The following THSD4 variants were observed in gnomAD, a reference collection of about 807,000 sequenced individuals.
THSD4 encodes the protein thrombospondin type-1 domain-containing protein 4.
A neutral mutation model predicts 119.0 loss-of-function variants in THSD4; 69 were observed. That is an observed-to-expected ratio of 0.58 (90% CI 0.48 to 0.71). The LOEUF (loss-of-function observed/expected upper bound fraction) is 0.71, where lower values mean the gene tolerates loss of function less well. Ranked by LOEUF, THSD4 falls within the 30% of genes least tolerant of loss-of-function variation. The pLI is 0.00. For missense variants in THSD4, 1,393 were observed against 1,391.1 expected (o/e 1.00, Z -0.02); for synonymous variants, 524 against 540.4 (o/e 0.97, Z 0.42).
chr15:71,233,176 G>A (rs960153033), intron 4 of THSD4, among the ~76,000 whole-genome samples: 1 of 152,160 alleles, frequency 6.6e-6, no homozygotes, highest in African/African-American at 2.4e-5. Context: ...TTTTGTCCTT[G>A]AGCTATTTCT....
At chr15:71,447,878 C>T (rs113055886) in intron 7 of THSD4, among the ~76,000 whole-genome samples, 1 of 152,174 alleles carries the variant, frequency 6.6e-6, no homozygotes, top group Admixed American at 6.5e-5. Flanking sequence ...TGCATGTTCT[C>T]ATGAACACAT....
chr15:71,233,403 C>T (rs900965016), intron 4 of THSD4, among the ~76,000 whole-genome samples: 11 of 152,092 alleles, frequency 7.2e-5, no homozygotes, highest in African/African-American at 2.4e-4. Flanking sequence ...CCCAGAGTTT[C>T]CTTTTGGTCA....
At chr15:71,711,005 G>T (rs1053762126) in intron 8 of THSD4, among the ~76,000 whole-genome samples, 10 of 151,338 alleles carry the variant, frequency 6.6e-5, no homozygotes, top group African/African-American at 2.4e-4. Flanking sequence ...TTATTGTGAG[G>T]TTAAAAGAAA....
chr15:71,579,619 A>G (rs2140912412), intron 7 of THSD4, among the ~76,000 whole-genome samples: 1 of 152,118 alleles, frequency 6.6e-6, no homozygotes, highest in Non-Finnish European at 1.5e-5. Context: ...ATTCTACTCC[A>G]CTCTGTAGTA....
In THSD4 at chr15:71,724,287, A is replaced by ATATT; in HGVS notation, c.1358-4261_1358-4260insATTT. Among the ~76,000 whole-genome samples the ATATT allele has an allele frequency of 8.0e-4, 30 of 37,282 alleles. 4 individuals carry two copies. Among genetic ancestry groups the ATATT allele is most frequent in the Admixed American group, 1.2e-3 (3 of 2,428 alleles). 24.5% of individuals were successfully genotyped at this position (37,282 alleles called of 152,430 possible). ...ATGGGATATATATATATATATATAT[A>ATATT]TTTTTTTTTTCCCCCCAAGATGGAA... On this transcript the variant is annotated intron_variant, in intron 8 of 17. Transcript: ENST00000261862.
chr15:71,368,714 A>G (rs1370430437), intron 6 of THSD4, among the ~76,000 whole-genome samples: 2 of 152,152 alleles, frequency 1.3e-5, no homozygotes, highest in Non-Finnish European at 2.9e-5. Flanking sequence ...GAAGTCAGGT[A>G]GTGTGATGCC....
chr15:71,255,493 C>T (rs2140287181), intron 5 of THSD4, among the ~76,000 whole-genome samples: 1 of 152,320 alleles, frequency 6.6e-6, no homozygotes, highest in South Asian at 2.1e-4. Context: ...TGATAAAATA[C>T]AGATCTCTGG....
intron 1 of THSD4, among the ~76,000 whole-genome samples, chr15:71,129,399 A>G (rs760440436): frequency 1.4e-4 from 22 of 152,228 alleles, no homozygotes; most frequent in Non-Finnish European, 2.8e-4. Flanking sequence ...GGGAGAGCCA[A>G]CAAGGAAGAC....
chr15:71,534,308 C>T (rs2048658786), intron 7 of THSD4, among the ~76,000 whole-genome samples: 1 of 152,234 alleles, frequency 6.6e-6, no homozygotes, highest in African/African-American at 2.4e-5. Context: ...TGTCAGACTA[C>T]CTGTTTCCCT....
intron 5 of THSD4, among the ~76,000 whole-genome samples, chr15:71,253,602 T>C (rs1205118004): frequency 1.3e-5 from 2 of 152,042 alleles, no homozygotes; most frequent in Admixed American, 1.3e-4. Context: ...AGAGACAGGG[T>C]TACACTATAT....
chr15:71,348,733 C>T (rs1441373060), intron 6 of THSD4, among the ~76,000 whole-genome samples: 1 of 152,220 alleles, frequency 6.6e-6, no homozygotes, highest in Non-Finnish European at 1.5e-5. Context: ...CGACTGTTAG[C>T]AAAAACCAAA....
chr15:71,191,217 C>A (rs932098749), intron 3 of THSD4, among the ~76,000 whole-genome samples: 3 of 152,132 alleles, frequency 2.0e-5, no homozygotes, highest in Non-Finnish European at 4.4e-5. Context: ...CCCCTGGGAT[C>A]CCTTCCCCAG....
At chr15:71,663,382 G>A (rs79397972) in intron 8 of THSD4, among the ~76,000 whole-genome samples, 1,952 of 152,292 alleles carry the variant, frequency 0.013, 36 homozygotes, top group African/African-American at 0.043. Flanking sequence ...ATAAGGTCCC[G>A]TGTGTGAAGG....
chr15:71,626,948 T>C (rs1371333702), intron 7 of THSD4, among the ~76,000 whole-genome samples: 2 of 152,244 alleles, frequency 1.3e-5, no homozygotes, highest in Non-Finnish European at 2.9e-5. Flanking sequence ...TGATAGAACT[T>C]ACCCATAAAA....
At chr15:71,174,896 G>A (rs963374890) in intron 3 of THSD4, among the ~76,000 whole-genome samples, 12 of 151,270 alleles carry the variant, frequency 7.9e-5, no homozygotes, top group African/African-American at 2.7e-4. Flanking sequence ...TCACAAGGCA[G>A]GGTATTCCAA....
chr15:71,342,490 G>C (rs1461937636), intron 6 of THSD4: 1 of 152,578 alleles, frequency 6.6e-6, no homozygotes, highest in Non-Finnish European at 1.5e-5. Flanking sequence ...CCCACCTTGA[G>C]CTGATCGCCA....
chr15:71,218,853 T>C (rs73433433), intron 4 of THSD4, among the ~76,000 whole-genome samples: 395 of 152,340 alleles, frequency 2.6e-3, no homozygotes, highest in Middle Eastern at 0.014. Context: ...GGAAACTTCA[T>C]TGGAGTCAGA....
At chr15:71,468,714 C>G (rs1443516837) in intron 7 of THSD4, among the ~76,000 whole-genome samples, 1 of 152,214 alleles carries the variant, frequency 6.6e-6, no homozygotes, top group Non-Finnish European at 1.5e-5. Flanking sequence ...GTTGTGGTCT[C>G]CACATTACTG....
intron 6 of THSD4, among the ~76,000 whole-genome samples, chr15:71,288,202 A>G (rs1181844026): frequency 1.3e-5 from 2 of 152,222 alleles, no homozygotes; most frequent in African/African-American, 4.8e-5. Context: ...AGTCCACAGT[A>G]AACACTTAAT....
Sources: allele counts gnomAD v4.1 joint callset (sites outside exome capture counted in the v4.1 genomes callset), GRCh38; gene constraint gnomAD v4.1.1; transcripts MANE v1.5; gene names NCBI Gene and HGNC (gene_info 2026-07-23, HGNC 2026-07-21).